The following MSRA variants were observed in gnomAD, a reference collection of about 807,000 sequenced individuals.
MSRA encodes methionine sulfoxide reductase A, also known as mitochondrial peptide methionine sulfoxide reductase.
A neutral mutation model predicts 31.3 loss-of-function variants in MSRA; 54 were observed. The ratio of observed to expected loss-of-function variants is 1.73; its 90% confidence interval spans 1.39 to 2.17. The LOEUF is 2.17. Among genes scored for constraint, MSRA ranks in the 30% most tolerant of loss-of-function variants. The pLI, the probability that MSRA is intolerant of heterozygous loss-of-function variation, is 0.00. For missense variants in MSRA, 507 were observed against 300.9 expected, an observed-to-expected ratio of 1.69 and a Z score of -5.07; for synonymous variants, 169 against 116.5, an observed-to-expected ratio of 1.45 and a Z score of -2.90.
chr8:10,227,348 A>G (rs1480072724), intron 2 of MSRA, among the ~76,000 whole-genome samples: 1 of 152,160 alleles, frequency 6.6e-6, no homozygotes, highest in Non-Finnish European at 1.5e-5. Flanking sequence ...CAGTGTAGGA[A>G]TAGCTTTCAA....
In MSRA at chr8:10,110,621, T is replaced by G. The variant is rs912222620; in HGVS notation, c.142+55963T>G. On this transcript the variant is annotated intron_variant, in intron 1 of 5. Transcript: ENST00000317173. ...GATGAGTTAAATATTACCTAGAAAA[T>G]CACTTCTCTGATCCTTCATCTCCTT... Among the ~76,000 whole-genome samples the G allele has an allele frequency of 5.8e-4, 89 of 152,232 alleles. 2 individuals carry two copies. The highest frequency in any genetic ancestry group is 2.4e-5 in the African/African-American group (1 of 41,458).
intron 1 of MSRA, among the ~76,000 whole-genome samples, chr8:10,159,950 T>G (rs944673962): frequency 6.6e-6 from 1 of 152,256 alleles, no homozygotes; most frequent in Admixed American, 6.5e-5. Flanking sequence ...TTATAAAGTT[T>G]CCTTTGGTTT....
intron 1 of MSRA, among the ~76,000 whole-genome samples, chr8:10,080,692 ATT>A (rs11296564): frequency 6.6e-3 from 903 of 136,368 alleles, no homozygotes; most frequent in Middle Eastern, 0.011. Context: ...TGCCTGGCTA[ATT>A]TTTTTTTTTT....
chr8:10,277,606 C>G (rs184571997), intron 3 of MSRA, among the ~76,000 whole-genome samples: 1 of 152,256 alleles, frequency 6.6e-6, no homozygotes, highest in East Asian at 1.9e-4. Flanking sequence ...GCAAAATGTA[C>G]TGATATTTGG....
chr8:10,273,427 G>A (rs773978595), intron 3 of MSRA, among the ~76,000 whole-genome samples: 81 of 152,168 alleles, frequency 5.3e-4, no homozygotes, highest in Non-Finnish European at 9.4e-4. Context: ...TGATTTTGCT[G>A]TGCTGTAATT....
chr8:10,163,699 A>G (rs149937574), intron 1 of MSRA, among the ~76,000 whole-genome samples: 6 of 152,348 alleles, frequency 3.9e-5, no homozygotes, highest in East Asian at 3.9e-4. Flanking sequence ...AGGACCGTCT[A>G]TTTATCGATA....
At chr8:10,222,044 G>A (rs751138789) in intron 2 of MSRA, among the ~76,000 whole-genome samples, 9 of 151,648 alleles carry the variant, frequency 5.9e-5, no homozygotes, top group Non-Finnish European at 8.8e-5. Context: ...CACACTATAG[G>A]AAGTCTAGAG....
intron 1 of MSRA, among the ~76,000 whole-genome samples, chr8:10,188,776 G>A (rs1173653592): frequency 6.6e-6 from 1 of 152,166 alleles, no homozygotes; most frequent in African/African-American, 2.4e-5. Context: ...CTTGATTACT[G>A]TAACCTTACA....
intron 1 of MSRA, among the ~76,000 whole-genome samples, chr8:10,119,077 G>A (rs1343387647): frequency 6.6e-6 from 1 of 152,136 alleles, no homozygotes; most frequent in African/African-American, 2.4e-5. Flanking sequence ...TGGATCTAGG[G>A]TATGTCTTTT....
At chr8:10,092,344 G>A (rs1798898354) in intron 1 of MSRA, among the ~76,000 whole-genome samples, 1 of 152,084 alleles carries the variant, frequency 6.6e-6, no homozygotes, top group South Asian at 2.1e-4. Context: ...CCTGCTGGAG[G>A]ATGTTCCATA....
intron 4 of MSRA, among the ~76,000 whole-genome samples, chr8:10,317,592 G>A (rs1214207992): frequency 6.6e-5 from 10 of 152,160 alleles, no homozygotes; most frequent in Admixed American, 6.5e-4. Context: ...CCAAAGCCCA[G>A]TCCTCATTAA....
chr8:10,152,150 C>T (rs1803734569), intron 1 of MSRA, among the ~76,000 whole-genome samples: 1 of 152,154 alleles, frequency 6.6e-6, no homozygotes, highest in Non-Finnish European at 1.5e-5. Context: ...GGAAAATCCC[C>T]TTGAAAAATC....
At chr8:10,286,518 A>G (rs1389405956) in intron 3 of MSRA, among the ~76,000 whole-genome samples, 1 of 152,202 alleles carries the variant, frequency 6.6e-6, no homozygotes, top group African/African-American at 2.4e-5. Context: ...TGTAAGTAGG[A>G]TAAACCTCTT....
At chr8:10,357,911 C>G (rs913387438) in intron 5 of MSRA, among the ~76,000 whole-genome samples, 2 of 152,172 alleles carry the variant, frequency 1.3e-5, no homozygotes, top group Non-Finnish European at 2.9e-5. Flanking sequence ...CTCCTTTCTT[C>G]CAAACCAAGA....
chr8:10,198,631 G>C (rs927342104), intron 1 of MSRA, among the ~76,000 whole-genome samples: 1 of 152,078 alleles, frequency 6.6e-6, no homozygotes, highest in South Asian at 2.1e-4. Flanking sequence ...TTCTTGGTTG[G>C]TTGTGGTAGT....
At chr8:10,139,843 C>T (rs1802555482) in intron 1 of MSRA, among the ~76,000 whole-genome samples, 1 of 152,138 alleles carries the variant, frequency 6.6e-6, no homozygotes, top group South Asian at 2.1e-4. Context: ...CTGAAAGTGT[C>T]CTGAGTGTAA....
chr8:10,307,238 C>T (rs2129129206), intron 4 of MSRA, among the ~76,000 whole-genome samples: 1 of 150,094 alleles, frequency 6.7e-6, no homozygotes, highest in Middle Eastern at 3.5e-3. Flanking sequence ...GCACAATTGG[C>T]TTACTGCAAC....
chr8:10,358,972 C>T (rs977161005), intron 5 of MSRA, among the ~76,000 whole-genome samples: 11 of 152,214 alleles, frequency 7.2e-5, no homozygotes, highest in East Asian at 1.9e-4. Flanking sequence ...ATATAACTGA[C>T]GCCTGATGAT....
chr8:10,115,070 C>T (rs990908347), intron 1 of MSRA, among the ~76,000 whole-genome samples: 1 of 152,028 alleles, frequency 6.6e-6, no homozygotes, highest in African/African-American at 2.4e-5. Context: ...AAGAGAAGTC[C>T]CAGGTTAACA....
Sources: allele counts gnomAD v4.1 joint callset (sites outside exome capture counted in the v4.1 genomes callset), GRCh38; gene constraint gnomAD v4.1.1; transcripts MANE v1.5; gene names NCBI Gene and HGNC (gene_info 2026-07-23, HGNC 2026-07-21).